The following MIS18BP1 variants were observed in gnomAD, a reference collection of about 807,000 sequenced individuals.
The protein encoded by MIS18BP1 is MIS18 binding protein 1, also known as mis18-binding protein 1.
A neutral mutation model predicts 116.1 loss-of-function variants in MIS18BP1; 72 were observed. The ratio of observed to expected loss-of-function variants is 0.62; its 90% CI spans 0.51 to 0.75. The LOEUF (loss-of-function observed/expected upper bound fraction) is 0.75. MIS18BP1 is among the 30% of genes least tolerant of loss of function. The probability of loss-of-function intolerance (pLI) is 0.00; values close to 1 mark genes in which losing one functional copy is unlikely to be tolerated. For missense variants in MIS18BP1, 1,363 were observed against 1,303.2 expected, an observed-to-expected ratio of 1.05 and a Z score of -0.71; for synonymous variants, 386 against 427.0, an observed-to-expected ratio of 0.90 and a Z score of 1.18.
At chr14:45,246,173 C>T (rs535262986) in intron 2 of MIS18BP1, among the ~76,000 whole-genome samples, 1 of 152,274 alleles carries the variant, frequency 6.6e-6, no homozygotes, top group African/African-American at 2.4e-5. Flanking sequence ...CATTCACATG[C>T]TCAAAACCCT....
At chr14:45,234,574 T>C (rs1891372856) in intron 6 of MIS18BP1, among the ~76,000 whole-genome samples, 2 of 152,164 alleles carry the variant, frequency 1.3e-5, no homozygotes, top group Non-Finnish European at 2.9e-5. Context: ...TTTGCCCATC[T>C]GAGAGAGGGT....
At chr14:45,208,326 AGTT>A (rs1401931176) in intron 14 of MIS18BP1, among the ~76,000 whole-genome samples, 1 of 146,626 alleles carries the variant, frequency 6.8e-6, no homozygotes, top group East Asian at 2.0e-4. Context: ...AAAAGGATGA[AGTT>A]GTTTTTTTTT....
At position 45,217,178 on chromosome 14, in the gene MIS18BP1, G is replaced by C; in HGVS notation, c.2844C>G (p.Gly948=). 6.2e-7 allele frequency: 1 copy of C among 1,612,680 alleles called. No homozygotes were observed. Among genetic ancestry groups the C allele is most frequent in the South Asian group, 1.1e-5 (1 of 90,764 alleles). ...KKPANSKGQN[G]KRGDADQKQT... Reference sequence around the variant, plus strand: ...GTTTCTGATCAGCATCACCTCTCTTGCCTTAAGAGTCAGCAAACCATTTTG... The same window carrying C: ...GTTTCTGATCAGCATCACCTCTCTTCCCTTAAGAGTCAGCAAACCATTTTG... The change falls in exon 13 of 17, where the codon GGC becomes GGG. Residue 948 remains glycine, a splice_region_variant and synonymous_variant. Transcript: ENST00000310806.
intron 5 of MIS18BP1, 38 bp downstream of exon 5, chr14:45,237,610 A>G (rs753967590): frequency 3.2e-6 from 5 of 1,578,264 alleles, no homozygotes; most frequent in Middle Eastern, 3.4e-4. Context: ...ACACATAACT[A>G]AAGTTTTATT....
chr14:45,227,883 A>G, intron 8 of MIS18BP1, 69 bp from the exon 9 acceptor site: 2 of 1,517,556 alleles, frequency 1.3e-6, no homozygotes, highest in East Asian at 2.3e-5. Flanking sequence ...CTACATGAAG[A>G]ATTAACTTTG....
chr14:45,221,247 G>A lies in MIS18BP1; in HGVS notation c.2669+2671C>T, dbSNP rs57303497. Reference sequence around the variant, plus strand: ...AGGTCAGGAGATCGAGACCATCCTGGCTAACACGGTGAAACCCCGTCTCTA... The same window carrying A: ...AGGTCAGGAGATCGAGACCATCCTGACTAACACGGTGAAACCCCGTCTCTA... On this transcript the variant is annotated intron_variant, in intron 11 of 16. Transcript: ENST00000310806. Among the ~76,000 whole-genome samples the A allele has an allele frequency of 4.5e-3, 683 of 152,142 alleles. 20 individuals are homozygous for A. The East Asian group carries it at 0.049, about 11-fold the overall frequency.
chr14:45,211,452 C>T (rs778127380), intron 13 of MIS18BP1, among the ~76,000 whole-genome samples: 3 of 152,148 alleles, frequency 2.0e-5, no homozygotes, highest in Non-Finnish European at 4.4e-5. Flanking sequence ...CACCTAACAC[C>T]TCCTAACCCC....
At chr14:45,245,714 C>T (rs1891705327) in intron 2 of MIS18BP1, among the ~76,000 whole-genome samples, 1 of 152,092 alleles carries the variant, frequency 6.6e-6, no homozygotes, top group African/African-American at 2.4e-5. Flanking sequence ...ACCCCAGGAC[C>T]CAGCTCTTGA....
At position 45,234,791 on chromosome 14, in the gene MIS18BP1, TGG is replaced by T. The variant is rs1594519691; in HGVS notation, c.1348+1021_1348+1022del. 9.9e-5 allele frequency among the ~76,000 whole-genome samples: 15 copies of T among 152,164 alleles called. No individual in the cohort carries two copies. In the East Asian group the frequency reaches 2.7e-3, roughly 27 times the overall value. On this transcript the variant is annotated intron_variant, in intron 6 of 16. Coordinates refer to ENST00000310806, the MANE Select transcript of MIS18BP1 (RefSeq NM_018353.5). ...TATTCAGCTGTGTGCAAGGCATAGGTGGAAAATTAGGTTACACCAGGACTGGG... is the reference window on the plus strand; with the variant it reads ...TATTCAGCTGTGTGCAAGGCATAGGTAAAATTAGGTTACACCAGGACTGGG...
At chr14:45,242,994 G>A (rs1484898567) in intron 2 of MIS18BP1, 120 bp from the exon 3 acceptor site, 2 of 617,574 alleles carry the variant, frequency 3.2e-6, no homozygotes, top group African/African-American at 1.9e-5. Flanking sequence ...GACCAGTATA[G>A]TACTTTTGCA....
At chr14:45,250,993 C>T (rs766919867) in intron 1 of MIS18BP1, among the ~76,000 whole-genome samples, 1 of 146,094 alleles carries the variant, frequency 6.8e-6, no homozygotes, top group Admixed American at 7.0e-5. Context: ...GCCGACATCG[C>T]GCCACTGCAC....
At chr14:45,238,933 T>A (rs1193952293) in intron 4 of MIS18BP1, among the ~76,000 whole-genome samples, 1 of 152,212 alleles carries the variant, frequency 6.6e-6, no homozygotes, top group Non-Finnish European at 1.5e-5. Context: ...GGCTTCTGTT[T>A]TTAAGCCCCT....
chr14:45,228,834 C>A (rs1891196387), intron 8 of MIS18BP1, among the ~76,000 whole-genome samples: 1 of 152,086 alleles, frequency 6.6e-6, no homozygotes, highest in African/African-American at 2.4e-5. Flanking sequence ...TACACAAGTA[C>A]TTTTTAGGCA....
rs2139203339 is a variant in MIS18BP1, at chr14:45,231,187, A to G, written c.1548T>C (p.Thr516=). The G allele has an allele frequency of 1.2e-6, 2 of 1,613,984 alleles. No homozygotes were observed. The highest frequency in any genetic ancestry group is 1.7e-6 in the Non-Finnish European group (2 of 1,179,952). Residue 516 remains threonine, a synonymous_variant, in exon 8 of 17, where the codon ACT becomes ACC. Coordinates refer to ENST00000310806, the MANE Select transcript of MIS18BP1 (RefSeq NM_018353.5). The part of the protein sequence containing the change: ...KNDARENQTD[T]AQRATTTYDF... ...CGTAAGTGGTGGTGGCTCTTTGAGC[A>G]GTATCTGTTTGGTTTTCTCGTGCAT...
intron 1 of MIS18BP1, 38 bp downstream of exon 1, chr14:45,252,997 G>C (rs1452278711): frequency 2.6e-5 from 4 of 152,286 alleles, no homozygotes; most frequent in African/African-American, 9.6e-5. Flanking sequence ...GCGGGGACCC[G>C]CGGTAGGAGG....
At position 45,223,944 on chromosome 14, in the gene MIS18BP1, A is replaced by G. The variant is rs1327397026; in HGVS notation, c.2643T>C (p.Asn881=). ...AATGAAGTTTCTGTAACTCCTTCTC[A>G]TTCCATTCCTTATCCTGAATTAAAC... The part of the protein sequence containing the change: ...LPGLIQDKEW[N]EKELQKLHCA... Residue 881 remains asparagine (N), a synonymous_variant, in exon 11 of 17, where the codon AAT becomes AAC. Coordinates refer to ENST00000310806, the MANE Select transcript of MIS18BP1 (RefSeq NM_018353.5). 3.1e-6 allele frequency: 5 copies of G among 1,587,394 alleles called. No homozygotes were observed. The highest frequency in any genetic ancestry group is 4.3e-6 in the Non-Finnish European group (5 of 1,172,112).
At chr14:45,218,048 TA>T (rs1194532987) in intron 12 of MIS18BP1, among the ~76,000 whole-genome samples, 1 of 152,178 alleles carries the variant, frequency 6.6e-6, no homozygotes, top group Non-Finnish European at 1.5e-5. Flanking sequence ...TCTCTGGATC[TA>T]ACTGCAGAAT....
intron 1 of MIS18BP1, among the ~76,000 whole-genome samples, chr14:45,248,709 G>GA (rs1417995272): frequency 2.0e-5 from 3 of 151,898 alleles, no homozygotes; most frequent in African/African-American, 7.3e-5. Flanking sequence ...TGATAATAGA[G>GA]AAAAAAAGAA....
At chr14:45,249,179 C>T (rs1445571758) in intron 1 of MIS18BP1, among the ~76,000 whole-genome samples, 6 of 152,108 alleles carry the variant, frequency 3.9e-5, no homozygotes, top group Non-Finnish European at 7.4e-5. Flanking sequence ...GCAATCTCCA[C>T]CTCATGGGTT....
Sources: allele counts gnomAD v4.1 joint callset (sites outside exome capture counted in the v4.1 genomes callset), GRCh38; gene constraint gnomAD v4.1.1; transcripts MANE v1.5; gene names NCBI Gene and HGNC (gene_info 2026-07-23, HGNC 2026-07-21).